The following BBS9 variants were observed in gnomAD, a reference collection of about 807,000 sequenced individuals.
The protein encoded by BBS9 is Bardet-Biedl syndrome 9, also known as protein PTHB1.
Under a neutral mutation model 117.7 loss-of-function variants are expected in BBS9, and 89 were observed. The observed-to-expected ratio is 0.76, with a 90% CI of 0.64 to 0.90. The LOEUF is 0.90. BBS9 is among the 40% of genes least tolerant of loss of function. The probability of loss-of-function intolerance (pLI) is 0.00; values close to 1 mark genes in which losing one functional copy is unlikely to be tolerated. For synonymous variants in BBS9, 379 were observed against 370.9 expected (o/e 1.02, Z -0.25); for missense variants, 982 against 1,042.2 (o/e 0.94, Z 0.80).
At chr7:33,540,306 AAAAG>A (rs1049697903) in intron 21 of BBS9, among the ~76,000 whole-genome samples, 4 of 152,326 alleles carry the variant, frequency 2.6e-5, no homozygotes, top group African/African-American at 9.6e-5. Context: ...TAAATTCAAA[AAAAG>A]AAATTTCATA....
At chr7:33,260,720 A>G (rs1053512563) in intron 6 of BBS9, among the ~76,000 whole-genome samples, 2 of 152,352 alleles carry the variant, frequency 1.3e-5, no homozygotes, top group East Asian at 3.9e-4. Context: ...TCAGTCAGCT[A>G]CTTCAGTCCA....
At chr7:33,334,861 TG>T (rs1814970916) in intron 9 of BBS9, among the ~76,000 whole-genome samples, 1 of 152,218 alleles carries the variant, frequency 6.6e-6, no homozygotes, top group Non-Finnish European at 1.5e-5. Flanking sequence ...CTTTAGCTGT[TG>T]AACCAGTGAC....
chr7:33,596,292 ACACACAC>A (rs1481671889), intron 21 of BBS9, among the ~76,000 whole-genome samples: 1 of 136,712 alleles, frequency 7.3e-6, no homozygotes. Context: ...ACACACACAC[ACACACAC>A]TTATATATGT....
chr7:33,278,283 T>C (rs1203289291), intron 9 of BBS9, among the ~76,000 whole-genome samples: 3 of 152,210 alleles, frequency 2.0e-5, no homozygotes, highest in Non-Finnish European at 4.4e-5. Context: ...GGGGGCATAG[T>C]TGTGGTATGG....
chr7:33,581,146 G>C (rs1012814438), intron 21 of BBS9, among the ~76,000 whole-genome samples: 1 of 150,180 alleles, frequency 6.7e-6, no homozygotes, highest in Non-Finnish European at 1.5e-5. Flanking sequence ...TTTTTTATTT[G>C]TTTTTTTTTG....
At chr7:33,549,952 T>C (rs1217426977) in intron 21 of BBS9, among the ~76,000 whole-genome samples, 1 of 152,220 alleles carries the variant, frequency 6.6e-6, no homozygotes, top group Non-Finnish European at 1.5e-5. Context: ...CATTTGGTAC[T>C]GTTTTGTCTT....
chr7:33,226,168 A>G (rs1394726173), intron 5 of BBS9, among the ~76,000 whole-genome samples: 1 of 151,572 alleles, frequency 6.6e-6, no homozygotes, highest in Non-Finnish European at 1.5e-5. Context: ...AGTGATCCTT[A>G]CTCTTTCCCC....
intron 21 of BBS9, among the ~76,000 whole-genome samples, chr7:33,538,920 C>T (rs1585177040): frequency 6.6e-6 from 1 of 152,010 alleles, no homozygotes; most frequent in East Asian, 1.9e-4. Context: ...TTTGTTTTCT[C>T]AACTATAAGT....
intron 16 of BBS9, among the ~76,000 whole-genome samples, chr7:33,366,543 C>CTTTTTTTTTTTTTTTTTTTTTTTTT (rs70989948): frequency 1.1e-5 from 1 of 89,692 alleles, no homozygotes; most frequent in African/African-American, 4.4e-5. Flanking sequence ...TCTTTTCTTT[C>CTTTTTTTTTTTTTTTTTTTTTTTTT]TTTTTTTTTT....
chr7:33,241,267 C>T (rs1053028586), intron 5 of BBS9, among the ~76,000 whole-genome samples: 1 of 152,014 alleles, frequency 6.6e-6, no homozygotes, highest in Non-Finnish European at 1.5e-5. Flanking sequence ...GTTATTTTTC[C>T]TACACAATAT....
At chr7:33,433,867 T>A (rs537098717) in intron 19 of BBS9, among the ~76,000 whole-genome samples, 248 of 152,170 alleles carry the variant, frequency 1.6e-3, no homozygotes, top group South Asian at 4.6e-3. Context: ...GGGAAATAAA[T>A]TCATCTGTAT....
At chr7:33,421,107 G>T (rs541784457) in intron 19 of BBS9, among the ~76,000 whole-genome samples, 1 of 152,308 alleles carries the variant, frequency 6.6e-6, no homozygotes, top group Admixed American at 6.5e-5. Flanking sequence ...TTGATCATTA[G>T]ATAAAGCAGG....
chr7:33,394,014 A>T (rs1827521201), intron 19 of BBS9, among the ~76,000 whole-genome samples: 1 of 152,120 alleles, frequency 6.6e-6, no homozygotes, highest in Non-Finnish European at 1.5e-5. Context: ...CATAGTGTCT[A>T]CTACTGCATC....
chr7:33,616,727 A>G (rs1190705435), intron 21 of BBS9, among the ~76,000 whole-genome samples: 1 of 151,240 alleles, frequency 6.6e-6, no homozygotes, highest in Non-Finnish European at 1.5e-5. Flanking sequence ...CTTTTTATAG[A>G]TTTAGGGAGT....
rs150137408 is a variant in BBS9 at position 33,543,672 on chromosome 7, G to A, written c.2521+9496G>A. Among the ~76,000 whole-genome samples, 699 of 152,262 alleles carry A rather than the reference G, an allele frequency of 4.6e-3. 8 individuals carry two copies. The highest frequency in any genetic ancestry group is 0.033 in the Admixed American group (503 of 15,296). On this transcript the variant is annotated intron_variant, in intron 21 of 22. Coordinates refer to ENST00000242067, the MANE Select transcript of BBS9 (RefSeq NM_198428.3). ...TAACTTTGTATAACCTGATGACAAT[G>A]TGCCTAGGTGAAGATCTTTTTGCGA...
At chr7:33,611,710 G>T (rs1320273983) in intron 21 of BBS9, among the ~76,000 whole-genome samples, 3 of 132,622 alleles carry the variant, frequency 2.3e-5, no homozygotes, top group South Asian at 4.6e-4. Flanking sequence ...TATATATAAG[G>T]TGTATTATAT....
At chr7:33,394,159 T>G (rs1049862303) in intron 19 of BBS9, among the ~76,000 whole-genome samples, 2 of 152,082 alleles carry the variant, frequency 1.3e-5, no homozygotes, top group African/African-American at 4.8e-5. Flanking sequence ...TGGCCTCTAG[T>G]GAATAAATAT....
chr7:33,453,572 A>C (rs1838210670), intron 19 of BBS9, among the ~76,000 whole-genome samples: 1 of 150,006 alleles, frequency 6.7e-6, no homozygotes. Flanking sequence ...CCCAGGCTGC[A>C]ATTCAATGGC....
At chr7:33,603,963 C>T (rs1407279886) in intron 21 of BBS9, among the ~76,000 whole-genome samples, 1 of 152,110 alleles carries the variant, frequency 6.6e-6, no homozygotes, top group Non-Finnish European at 1.5e-5. Context: ...CCTCTCTTTC[C>T]TCAGAATGAT....
Sources: gnomAD v4.1 joint callset for allele counts (sites outside exome capture counted in the v4.1 genomes callset) on GRCh38, gnomAD v4.1.1 for gene constraint, MANE v1.5 for transcripts, NCBI Gene and HGNC (gene_info 2026-07-23, HGNC 2026-07-21) for gene names.